Variants in NCKAP5 observed in about 807,000 individuals in gnomAD.
The protein encoded by NCKAP5 is nck-associated protein 5.
In NCKAP5, 92 loss-of-function variants were observed where a neutral mutation model predicts 167.0. The observed-to-expected ratio is 0.55, with a 90% confidence interval of 0.47 to 0.66. The LOEUF is 0.66. NCKAP5 is among the 30% of genes least tolerant of loss of function. The pLI is 0.00. For missense variants in NCKAP5, 2,378 were observed against 2,315.0 expected (o/e 1.03, Z -0.56); for synonymous variants, 891 against 877.4 (o/e 1.02, Z -0.27).
chr2:133,367,562 T>TTCC (rs1559421933), intron 3 of NCKAP5, among the ~76,000 whole-genome samples: 2 of 152,190 alleles, frequency 1.3e-5, no homozygotes, highest in Non-Finnish European at 2.9e-5. Context: ...ACAAGGATTA[T>TTCC]AGATCACATA....
chr2:132,765,782 A>G (rs1574126272), intron 16 of NCKAP5, among the ~76,000 whole-genome samples: 1 of 152,130 alleles, frequency 6.6e-6, no homozygotes, highest in Non-Finnish European at 1.5e-5. Context: ...ACATATGGCT[A>G]CCTTCCTCAA....
chr2:133,178,417 A>G (rs1387529390), intron 5 of NCKAP5, among the ~76,000 whole-genome samples: 1 of 144,448 alleles, frequency 6.9e-6, no homozygotes, highest in East Asian at 2.1e-4. Flanking sequence ...AGGCTGGAGA[A>G]TTGCCTGAAC....
chr2:133,351,755 C>G (rs1446639894), intron 3 of NCKAP5, among the ~76,000 whole-genome samples: 2 of 152,114 alleles, frequency 1.3e-5, no homozygotes, highest in African/African-American at 4.8e-5. Flanking sequence ...CCAGACCACT[C>G]TCTCTCATGC....
chr2:132,774,088 C>A (rs1682335903), intron 15 of NCKAP5, among the ~76,000 whole-genome samples, 194 bp from the exon 16 acceptor site: 1 of 152,172 alleles, frequency 6.6e-6, no homozygotes, highest in Non-Finnish European at 1.5e-5. Context: ...CGCACTCCAT[C>A]ATTTGGCTTT....
chr2:133,633,142 A>C, the NCKAP5 span, among the ~76,000 whole-genome samples: 1 of 152,260 alleles, frequency 6.6e-6, no homozygotes. Flanking sequence ...ACACAAGAAG[A>C]GGGGGGATGT....
Position 132,860,487 on chromosome 2 carries a change from C to T in NCKAP5, c.807+5G>A. Reference sequence around the variant, plus strand: ...GCAAAGATTGTTTTCCAGATAAACACATACCTGGAGGAGCAGATCAGAAGT... The same window carrying T: ...GCAAAGATTGTTTTCCAGATAAACATATACCTGGAGGAGCAGATCAGAAGT... On this transcript the variant is annotated splice_donor_5th_base_variant and intron_variant, in intron 11 of 19. Transcript: ENST00000409261. 1 of 1,564,322 alleles carries T rather than the reference C, an allele frequency of 6.4e-7. No homozygotes were observed. The highest frequency in any genetic ancestry group is 1.4e-5 in the African/African-American group (1 of 74,068).
chr2:133,065,235 A>G (rs912853030), intron 6 of NCKAP5, among the ~76,000 whole-genome samples: 2 of 152,226 alleles, frequency 1.3e-5, no homozygotes, highest in Non-Finnish European at 1.5e-5. Flanking sequence ...AAACGACGAC[A>G]ACTATGATTC....
chr2:133,030,487 A>T (rs188535370), intron 6 of NCKAP5, among the ~76,000 whole-genome samples: 152 of 152,278 alleles, frequency 1.0e-3, no homozygotes, highest in Middle Eastern at 3.4e-3. Context: ...CCATATTTTT[A>T]AATGGTGGAA....
intron 4 of NCKAP5, among the ~76,000 whole-genome samples, chr2:133,282,398 C>T (rs1031532316): frequency 3.3e-5 from 5 of 152,062 alleles, no homozygotes; most frequent in African/African-American, 1.2e-4. Context: ...AGACCCATGA[C>T]CAAATGAAAG....
At chr2:133,558,451 C>T (rs1487045923) in intron 2 of NCKAP5, among the ~76,000 whole-genome samples, 1 of 151,824 alleles carries the variant, frequency 6.6e-6, no homozygotes, top group African/African-American at 2.4e-5. Flanking sequence ...GTGGCATAGA[C>T]AGAGAGATGT....
chr2:132,817,324 A>T (rs1417777936), intron 11 of NCKAP5, among the ~76,000 whole-genome samples: 1 of 152,164 alleles, frequency 6.6e-6, no homozygotes. Flanking sequence ...GAATTTCCTT[A>T]TTAGATTCTT....
At chr2:133,603,228 C>CTTT in the NCKAP5 span, among the ~76,000 whole-genome samples, 17,333 of 137,760 alleles carry the variant, frequency 0.13, 2,069 homozygotes, top group African/African-American at 0.31. Context: ...CTTTTTCTTT[C>CTTT]TTTTTTTTTT....
chr2:132,952,447 C>G (rs1470872676), intron 8 of NCKAP5, among the ~76,000 whole-genome samples: 1 of 152,176 alleles, frequency 6.6e-6, no homozygotes, highest in Non-Finnish European at 1.5e-5. Context: ...AGGGCAGTCA[C>G]AGACCCCCCC....
intron 19 of NCKAP5, among the ~76,000 whole-genome samples, chr2:132,699,843 C>T (rs531286604): frequency 0.011 from 1,677 of 152,174 alleles, 34 homozygotes; most frequent in African/African-American, 0.038. Flanking sequence ...GGGTATATAC[C>T]CAGTAATGGG....
At chr2:133,099,584 C>T (rs1447758419) in intron 6 of NCKAP5, among the ~76,000 whole-genome samples, 1 of 152,172 alleles carries the variant, frequency 6.6e-6, no homozygotes, top group African/African-American at 2.4e-5. Flanking sequence ...CTTCTAAAAA[C>T]ACAGGTGATT....
the NCKAP5 span, among the ~76,000 whole-genome samples, chr2:133,668,974 T>G: frequency 6.6e-6 from 1 of 152,186 alleles, no homozygotes; most frequent in Non-Finnish European, 1.5e-5. Context: ...AGTGGGAGTT[T>G]GCAGGGAGCT....
chr2:132,966,244 C>G (rs1453879117), intron 7 of NCKAP5, among the ~76,000 whole-genome samples: 1 of 152,184 alleles, frequency 6.6e-6, no homozygotes, highest in East Asian at 1.9e-4. Flanking sequence ...GGATTACAGG[C>G]ACCTACCACC....
In NCKAP5 at chr2:132,728,825, G is replaced by T. The variant is rs370109005; in HGVS notation, c.5571C>A (p.Thr1857=). The change falls in exon 18 of 20, where the codon ACC becomes ACA. Residue 1857 remains threonine (T), a synonymous_variant. Transcript: ENST00000409261. ...TCCCCCGACCCCTCACCTGGGTCCC[G>T]GTGGCAGCAACTTCACTCCCCCAGT... is the stretch of plus-strand genomic sequence containing the variant. ...LPDWGSEVAA[T]GTQDKAPRMC... 1.2e-6 allele frequency: 2 copies of T among 1,613,796 alleles called. No individual in the cohort carries two copies. Among genetic ancestry groups the T allele is most frequent in the Non-Finnish European group, 1.7e-6 (2 of 1,179,804 alleles).
intron 3 of NCKAP5, among the ~76,000 whole-genome samples, chr2:133,397,720 TGGTTGTA>T (rs1449702562): frequency 7.9e-5 from 12 of 152,218 alleles, no homozygotes; most frequent in African/African-American, 2.9e-4. Context: ...CTTTAGCAGA[TGGTTGTA>T]GGTCTGTTTT....
Sources: allele counts gnomAD v4.1 joint callset (sites outside exome capture counted in the v4.1 genomes callset), GRCh38; gene constraint gnomAD v4.1.1; transcripts MANE v1.5; gene names NCBI Gene and HGNC (gene_info 2026-07-23, HGNC 2026-07-21).